The following LAMB4 variants were observed in gnomAD, a reference collection of about 807,000 sequenced individuals.
LAMB4 encodes the protein laminin subunit beta-4.
LAMB4 carries 196 observed loss-of-function variants against 199.2 expected under a neutral mutation model. That is an observed-to-expected ratio of 0.98 (90% CI 0.88 to 1.11). The LOEUF (loss-of-function observed/expected upper bound fraction) is 1.11, where lower values mean the gene tolerates loss of function less well. LAMB4 is among the 50% of genes least tolerant of loss of function. The pLI, the probability that LAMB4 is intolerant of heterozygous loss-of-function variation, is 0.00. For synonymous variants in LAMB4, 744 were observed against 770.6 expected, an observed-to-expected ratio of 0.97 and a Z score of 0.57; for missense variants, 2,080 against 2,171.2, an observed-to-expected ratio of 0.96 and a Z score of 0.83.
At chr7:108,064,297 G>A (rs959714781) in intron 21 of LAMB4, among the ~76,000 whole-genome samples, 2 of 152,116 alleles carry the variant, frequency 1.3e-5, no homozygotes, top group Non-Finnish European at 1.5e-5. Flanking sequence ...TCACACTAGC[G>A]TGCCCCAGGA....
At chr7:108,025,370 C>CT (rs1379438833) in intron 33 of LAMB4, among the ~76,000 whole-genome samples, 12 of 137,530 alleles carry the variant, frequency 8.7e-5, no homozygotes, top group African/African-American at 3.5e-4. Context: ...TAGATTCTTT[C>CT]TTTCTTTCTT....
At chr7:108,111,470 T>G (rs187211653) in intron 4 of LAMB4, among the ~76,000 whole-genome samples, 66 of 152,386 alleles carry the variant, frequency 4.3e-4, no homozygotes, top group African/African-American at 1.5e-3. Flanking sequence ...TTTACATCAG[T>G]GTTTTGTATT....
At chr7:108,054,857 A>T (rs959900883) in intron 25 of LAMB4, among the ~76,000 whole-genome samples, 1 of 152,220 alleles carries the variant, frequency 6.6e-6, no homozygotes, top group Non-Finnish European at 1.5e-5. Flanking sequence ...ACAAATGGTT[A>T]AATTTTAAAA....
intron 17 of LAMB4, among the ~76,000 whole-genome samples, chr7:108,076,661 G>A (rs969499856): frequency 6.6e-6 from 1 of 152,096 alleles, no homozygotes; most frequent in African/African-American, 2.4e-5. Flanking sequence ...CTAGCTCTGT[G>A]ACCCTGTCAC....
At chr7:108,116,225 A>G in intron 2 of LAMB4, 64 bp from the exon 3 acceptor site, 1 of 1,462,646 alleles carries the variant, frequency 6.8e-7, no homozygotes, top group South Asian at 1.3e-5. Context: ...GCCTGCAGAA[A>G]TGACTGGTTA....
intron 25 of LAMB4, among the ~76,000 whole-genome samples, chr7:108,052,717 A>G (rs1372429911): frequency 1.3e-5 from 2 of 152,186 alleles, no homozygotes; most frequent in African/African-American, 4.8e-5. Context: ...TTTTAGTGTA[A>G]CTTCTGTTCA....
Position 108,041,172 on chromosome 7 carries a change from A to T in LAMB4, c.4471+2580T>A, listed in dbSNP as rs144763374. On this transcript the variant is annotated intron_variant, in intron 29 of 33. Coordinates refer to ENST00000388781, the MANE Select transcript of LAMB4 (RefSeq NM_007356.3). ...GCTCAACATCACTGATCATTAGAGA[A>T]ATGCAAATCAAAACCACAATGAGGT... Among the ~76,000 whole-genome samples, 147 of 152,354 alleles carry T rather than the reference A, an allele frequency of 9.6e-4. 1 individual carries two copies. Among genetic ancestry groups the T allele is most frequent in the African/African-American group, 3.5e-3 (145 of 41,580 alleles).
At chr7:108,127,948 G>T (rs577331892) in intron 1 of LAMB4, among the ~76,000 whole-genome samples, 1 of 152,216 alleles carries the variant, frequency 6.6e-6, no homozygotes, top group African/African-American at 2.4e-5. Context: ...AAAGACCTGT[G>T]GTCTAAAAGG....
downstream of LAMB4, among the ~76,000 whole-genome samples, chr7:108,022,710 G>T (rs1400148043): frequency 6.6e-6 from 1 of 152,020 alleles, no homozygotes; most frequent in Non-Finnish European, 1.5e-5. Context: ...GGATCTCTAG[G>T]GAAATAGATT....
At chr7:108,019,636 G>C (rs549697849), downstream of LAMB4, among the ~76,000 whole-genome samples, 7 of 152,124 alleles carry the variant, frequency 4.6e-5, 1 homozygote, top group South Asian at 1.5e-3. Context: ...TTAGTCACAT[G>C]GTCACATCAA....
At chr7:108,113,465 G>T (rs1456213819) in intron 3 of LAMB4, among the ~76,000 whole-genome samples, 1 of 152,060 alleles carries the variant, frequency 6.6e-6, no homozygotes, top group Non-Finnish European at 1.5e-5. Context: ...TAGCATCACT[G>T]GTCACTATAG....
rs903880493 is a variant in LAMB4, at chr7:108,063,762, T to C, written c.3060A>G (p.Arg1020=). ...HYGSALNQTC[R]RCSCHASGVS... is the part of the protein sequence containing the mutation. ...CCCCTGGGAGTTTTGCAGACTTACTTCTGCAGGTCTGATTGAGGGCTGATC... is the reference window on the plus strand; with the variant it reads ...CCCCTGGGAGTTTTGCAGACTTACTCCTGCAGGTCTGATTGAGGGCTGATC... The change falls in exon 22 of 34, where the codon AGA becomes AGG. Residue 1020 remains arginine, a splice_region_variant and synonymous_variant. Coordinates refer to ENST00000388781, the MANE Select transcript of LAMB4 (RefSeq NM_007356.3). 14 of 1,613,082 alleles carry C rather than the reference T, an allele frequency of 8.7e-6. No homozygotes were observed. Among genetic ancestry groups the C allele is most frequent in the Admixed American group, 1.7e-5 (1 of 60,008 alleles).
At position 108,024,184 on chromosome 7, in the gene LAMB4, A is replaced by G; in HGVS notation, c.5147-6T>C. ...TTGGATTTTCCTTTCTAAATCTGAA[A>G]GAAGAAAATGAAAGAAATGATATAT... On this transcript the variant is annotated splice_region_variant and splice_polypyrimidine_tract_variant and intron_variant, in intron 33 of 33. Coordinates refer to ENST00000388781, the MANE Select transcript of LAMB4 (RefSeq NM_007356.3). 6.6e-7 allele frequency: 1 copy of G among 1,513,304 alleles called. No individual in the cohort carries two copies. The highest frequency in any genetic ancestry group is 9.0e-7 in the Non-Finnish European group (1 of 1,111,600). The allele number at this position is 1,513,304 out of a possible 1,614,324, so 93.7% of individuals were successfully genotyped here.
chr7:108,046,795 A>T (rs1456099250), intron 28 of LAMB4, among the ~76,000 whole-genome samples: 1 of 152,066 alleles, frequency 6.6e-6, no homozygotes, highest in Non-Finnish European at 1.5e-5. Context: ...CTAACATTAC[A>T]ATTTGTATAT....
chr7:108,033,163 C>T (rs2035100959), intron 31 of LAMB4, among the ~76,000 whole-genome samples: 2 of 152,214 alleles, frequency 1.3e-5, no homozygotes, highest in South Asian at 2.1e-4. Context: ...CTGTAAAGGG[C>T]CAGCTAGTAA....
intron 11 of LAMB4, 51 bp from the exon 12 acceptor site, chr7:108,095,388 G>A (rs568510356): frequency 7.5e-6 from 10 of 1,328,298 alleles, no homozygotes; most frequent in Non-Finnish European, 1.1e-5. Flanking sequence ...CTCCACTCTT[G>A]CAAGTGTACT....
chr7:108,080,715 G>C (rs1268980698), intron 14 of LAMB4, among the ~76,000 whole-genome samples: 1 of 152,020 alleles, frequency 6.6e-6, no homozygotes, highest in Non-Finnish European at 1.5e-5. Context: ...TTAGAATCTC[G>C]CATCTGAGGC....
At chr7:108,071,297 C>A (rs1010182926) in intron 17 of LAMB4, among the ~76,000 whole-genome samples, 2 of 152,128 alleles carry the variant, frequency 1.3e-5, no homozygotes, top group East Asian at 3.9e-4. Context: ...CAATACTTCT[C>A]CCCTATCCCA....
Position 108,063,868 on chromosome 7 carries a change from C to T in LAMB4, c.2954G>A (p.Ser985Asn). The T allele has an allele frequency of 6.2e-7, 1 of 1,614,214 alleles. No individual in the cohort carries two copies. The highest frequency in any genetic ancestry group is 1.1e-5 in the South Asian group (1 of 91,086). ...NIDVTDPESC[S>N]RVTGECLRCL... ...TCGAAGGCACTCCCCTGTTACCCGG[C>T]TGCAGGACTCTGGATCGGTTACATC... Residue 985 changes from serine (S) to asparagine (N), a missense_variant, in exon 22 of 34, where the codon AGC becomes AAC. Ser to Asn is a conservative substitution (Grantham distance 46, BLOSUM62 1). Coordinates refer to ENST00000388781, the MANE Select transcript of LAMB4 (RefSeq NM_007356.3).
Sources: allele counts gnomAD v4.1 joint callset (sites outside exome capture counted in the v4.1 genomes callset), GRCh38; gene constraint gnomAD v4.1.1; transcripts MANE v1.5; gene names NCBI Gene and HGNC (gene_info 2026-07-23, HGNC 2026-07-21).